The following TEAD1 variants were observed in gnomAD, a reference collection of about 807,000 sequenced individuals.
The protein encoded by TEAD1 is TEA domain transcription factor 1, also known as transcriptional enhancer factor TEF-1.
A neutral mutation model predicts 54.9 loss-of-function variants in TEAD1; 9 were observed. The observed-to-expected ratio is 0.16, with a 90% CI of 0.10 to 0.29. The LOEUF (loss-of-function observed/expected upper bound fraction) is 0.29, where lower values mean the gene tolerates loss of function less well. Ranked by LOEUF, TEAD1 falls within the 10% of genes least tolerant of loss-of-function variation. TEAD1 has a pLI of 1.00. For synonymous variants in TEAD1, 200 were observed against 187.8 expected (o/e 1.07, Z -0.53); for missense variants, 387 against 535.9 (o/e 0.72, Z 2.74).
intron 2 of TEAD1, among the ~76,000 whole-genome samples, chr11:12,743,311 C>A (rs1389108035): frequency 6.6e-6 from 1 of 152,114 alleles, no homozygotes; most frequent in Non-Finnish European, 1.5e-5. Flanking sequence ...TACAGGTAAA[C>A]CAATACGAGG....
chr11:12,716,098 G>T (rs1590078272), intron 2 of TEAD1, among the ~76,000 whole-genome samples: 1 of 151,952 alleles, frequency 6.6e-6, no homozygotes, highest in Non-Finnish European at 1.5e-5. Context: ...GACTTAGGAT[G>T]GGCTTCCTGT....
At chr11:12,725,243 G>A (rs1475667775) in intron 2 of TEAD1, among the ~76,000 whole-genome samples, 1 of 152,178 alleles carries the variant, frequency 6.6e-6, no homozygotes, top group East Asian at 1.9e-4. Flanking sequence ...TGATCAAGCA[G>A]CTAGCCGGTG....
At chr11:12,926,552 G>T (rs920893754) in intron 11 of TEAD1, among the ~76,000 whole-genome samples, 1 of 152,180 alleles carries the variant, frequency 6.6e-6, no homozygotes, top group Non-Finnish European at 1.5e-5. Flanking sequence ...AGGTGTTCAA[G>T]AGGAAATAGG....
At chr11:12,790,809 G>A (rs4757059) in intron 3 of TEAD1, among the ~76,000 whole-genome samples, 78,057 of 152,042 alleles carry the variant, frequency 0.51, 21,908 homozygotes, top group East Asian at 0.7. Context: ...TAAAACCCCA[G>A]TGAGTTACCA....
At chr11:12,841,229 C>A (rs1483462229) in intron 3 of TEAD1, among the ~76,000 whole-genome samples, 1 of 152,156 alleles carries the variant, frequency 6.6e-6, no homozygotes, top group East Asian at 1.9e-4. Context: ...TCTTATACAC[C>A]ATGGATAGAA....
At chr11:12,935,833 G>A (rs1243311344) in intron 12 of TEAD1, among the ~76,000 whole-genome samples, 1 of 152,162 alleles carries the variant, frequency 6.6e-6, no homozygotes, top group African/African-American at 2.4e-5. Context: ...CTGTTCCTTA[G>A]GAACTTATAT....
intron 11 of TEAD1, among the ~76,000 whole-genome samples, chr11:12,929,204 G>GTGTTT (rs746048067): frequency 7.2e-6 from 1 of 139,046 alleles, no homozygotes; most frequent in Non-Finnish European, 1.5e-5. Flanking sequence ...GTGTGTGTCT[G>GTGTTT]CTTTAGGGTT....
chr11:12,681,030 G>T (rs1436454635), intron 2 of TEAD1, among the ~76,000 whole-genome samples: 1 of 152,172 alleles, frequency 6.6e-6, no homozygotes, highest in African/African-American at 2.4e-5. Context: ...GCTTCCTTTG[G>T]TGGAATCTCT....
Position 12,937,089 on chromosome 11 carries a change from CT to C in TEAD1, c.1168-11del, listed in dbSNP as rs552465366. ...GTTTTCATCCTTTTGGTATTATATA[CT>C]TTTTTTTTATCTTAACAGGTGGTAA... is the stretch of plus-strand genomic sequence containing the variant. On this transcript the variant is annotated intron_variant, in intron 12 of 12. Coordinates refer to ENST00000527636, the MANE Select transcript of TEAD1 (RefSeq NM_021961.6). The C allele has an allele frequency of 5.2e-4, 778 of 1,501,990 alleles. No individual in the cohort carries two copies. Among genetic ancestry groups the C allele is most frequent in the Non-Finnish European group, 6.1e-4 (664 of 1,083,198 alleles). The allele number at this position is 1,501,990 out of a possible 1,614,324, so 93.0% of individuals were successfully genotyped here. A position where few individuals can be genotyped will look rare whatever the true frequency, so the allele number is the denominator to read the frequency against.
chr11:12,841,046 C>T (rs1167801393), intron 3 of TEAD1, among the ~76,000 whole-genome samples: 2 of 152,146 alleles, frequency 1.3e-5, no homozygotes, highest in Non-Finnish European at 2.9e-5. Context: ...TGAAAATACG[C>T]TAAGGGCAGT....
chr11:12,892,473 C>T (rs1025181132), intron 9 of TEAD1, among the ~76,000 whole-genome samples: 46 of 152,028 alleles, frequency 3.0e-4, no homozygotes, highest in Admixed American at 2.0e-3. Context: ...GTGAATCCCC[C>T]GCTTCTACAA....
chr11:12,819,697 C>T lies in TEAD1; in HGVS notation c.203-42553C>T, dbSNP rs542825914. ...TGATCTCCTGACCTTTTGATCCGCC[C>T]GCCTCGGTCTCCCAAAGTGCTGGGA... On this transcript the variant is annotated intron_variant, in intron 3 of 12. Coordinates refer to ENST00000527636, the MANE Select transcript of TEAD1 (RefSeq NM_021961.6). 4.2e-4 allele frequency among the ~76,000 whole-genome samples: 64 copies of T among 152,058 alleles called. 1 individual carries two copies. The highest frequency in any genetic ancestry group is 7.5e-4 in the Non-Finnish European group (51 of 67,994).
chr11:12,916,979 A>T (rs1287285306), intron 10 of TEAD1, among the ~76,000 whole-genome samples: 2 of 152,162 alleles, frequency 1.3e-5, no homozygotes, highest in Admixed American at 6.5e-5. Context: ...AGAGGAGCTC[A>T]TTTCAACTTA....
intron 9 of TEAD1, among the ~76,000 whole-genome samples, chr11:12,890,035 A>G (rs1948168306): frequency 1.3e-5 from 2 of 152,082 alleles, no homozygotes; most frequent in Admixed American, 6.6e-5. Flanking sequence ...CAACTTATTT[A>G]TATATTATGT....
intron 2 of TEAD1, among the ~76,000 whole-genome samples, chr11:12,749,364 G>A (rs1165054569): frequency 1.3e-5 from 2 of 152,170 alleles, no homozygotes; most frequent in African/African-American, 4.8e-5. Context: ...AACAGAATCT[G>A]TAGAAGGATG....
rs779246132 is a variant in TEAD1, at chr11:12,704,580, C to G, written c.-55+29019C>G. On this transcript the variant is annotated intron_variant, in intron 2 of 12. Coordinates refer to ENST00000527636, the MANE Select transcript of TEAD1 (RefSeq NM_021961.6). ...GCTCCAACAGCATAAGAAAACCAAG[C>G]CTTCCTTTTATTCCCTTAGTCCTCC... 9.9e-4 allele frequency among the ~76,000 whole-genome samples: 151 copies of G among 152,240 alleles called. 1 individual carries two copies. Among genetic ancestry groups the G allele is most frequent in the Non-Finnish European group, 9.6e-4 (65 of 68,050 alleles).
chr11:12,851,841 G>C (rs1009608597), intron 3 of TEAD1, among the ~76,000 whole-genome samples: 5 of 151,926 alleles, frequency 3.3e-5, no homozygotes, highest in Admixed American at 1.3e-4. Context: ...GTACTTAATA[G>C]CTACCAGATC....
At chr11:12,859,697 T>C (rs1947460569) in intron 3 of TEAD1, among the ~76,000 whole-genome samples, 1 of 152,130 alleles carries the variant, frequency 6.6e-6, no homozygotes, top group Admixed American at 6.5e-5. Flanking sequence ...GTTCACAGGA[T>C]CTGAGAAGAT....
chr11:12,698,295 CTCTT>C (rs755375658), intron 2 of TEAD1, among the ~76,000 whole-genome samples: 1 of 151,868 alleles, frequency 6.6e-6, no homozygotes, highest in African/African-American at 2.4e-5. Context: ...GCTGCGCTCT[CTCTT>C]TTTTGGTGGG....
Sources: allele counts gnomAD v4.1 joint callset (sites outside exome capture counted in the v4.1 genomes callset), GRCh38; gene constraint gnomAD v4.1.1; transcripts MANE v1.5; gene names NCBI Gene and HGNC (gene_info 2026-07-23, HGNC 2026-07-21).